CSMD3: variants seen among roughly 807,000 people sequenced by gnomAD.
The protein encoded by CSMD3 is CUB and sushi domain-containing protein 3.
Under a neutral mutation model 435.2 loss-of-function variants are expected in CSMD3, and 177 were observed. The ratio of observed to expected loss-of-function variants is 0.41; its 90% confidence interval spans 0.36 to 0.46. The LOEUF (loss-of-function observed/expected upper bound fraction) is 0.46, where lower values mean the gene tolerates loss of function less well. Among genes scored for constraint, CSMD3 ranks in the 20% least tolerant of loss-of-function variants. CSMD3 has a pLI of 0.34. For missense variants in CSMD3, 4,265 were observed against 4,504.6 expected, an observed-to-expected ratio of 0.95 and a Z score of 1.52; for synonymous variants, 1,656 against 1,520.5, an observed-to-expected ratio of 1.09 and a Z score of -2.07.
At chr8:112,235,392 C>CA (rs968773496) in intron 67 of CSMD3, among the ~76,000 whole-genome samples, 6 of 150,744 alleles carry the variant, frequency 4.0e-5, no homozygotes, top group Admixed American at 1.3e-4. Context: ...TCAAAAAAAA[C>CA]AAAAAACAAA....
chr8:112,337,603 C>A lies in CSMD3; in HGVS notation c.6781G>T (p.Ala2261Ser), dbSNP rs562427558. Residue 2261 changes from alanine (A) to serine (S), a missense_variant, in exon 43 of 71, where the codon GCT becomes TCT. Around this residue, in one of 3 missense-constraint regions of CSMD3, gnomAD observed 3,255 missense variants for 3,380.2 expected, o/e 0.96. Transcript: ENST00000297405. ...FPGYTLIGNS[A>S]LTCLHGVSRN... is the part of the protein sequence containing the mutation. ...CTGACTCCGTGAAGGCATGTGAGAG[C>A]TGAATTTCCAATTAATGTGTATCCT... 1 of 1,613,826 alleles carries A rather than the reference C, an allele frequency of 6.2e-7. No individual in the cohort carries two copies.
chr8:112,770,087 G>C (rs1205429356), intron 13 of CSMD3, among the ~76,000 whole-genome samples: 1 of 151,948 alleles, frequency 6.6e-6, no homozygotes, highest in South Asian at 2.1e-4. Flanking sequence ...GAAATACAAA[G>C]TGGTCTGTCT....
At chr8:113,010,543 GTTA>G (rs1200087612) in intron 6 of CSMD3, among the ~76,000 whole-genome samples, 1 of 151,620 alleles carries the variant, frequency 6.6e-6, no homozygotes, top group African/African-American at 2.4e-5. Context: ...ATTATAACTA[GTTA>G]TTGACAGATT....
intron 4 of CSMD3, among the ~76,000 whole-genome samples, chr8:113,135,571 T>TG (rs2091397435): frequency 6.6e-6 from 1 of 151,836 alleles, no homozygotes; most frequent in East Asian, 1.9e-4. Context: ...TACCTTCCAG[T>TG]GAGAGTATGT....
At chr8:112,825,739 C>A (rs1587404873) in intron 12 of CSMD3, among the ~76,000 whole-genome samples, 2 of 152,042 alleles carry the variant, frequency 1.3e-5, no homozygotes, top group Middle Eastern at 3.2e-3. Flanking sequence ...TCAAGGGGCA[C>A]CTATCTGATG....
intron 4 of CSMD3, among the ~76,000 whole-genome samples, chr8:113,168,519 CAAA>C (rs71281204): frequency 0.062 from 1,031 of 16,658 alleles, 4 homozygotes; most frequent in African/African-American, 0.2. Flanking sequence ...GACTCTGTCT[CAAA>C]AAAAAAAAAA....
chr8:113,215,883 C>G (rs2092898964), intron 3 of CSMD3, among the ~76,000 whole-genome samples: 1 of 151,328 alleles, frequency 6.6e-6, no homozygotes, highest in South Asian at 2.1e-4. Flanking sequence ...TATTTTATAT[C>G]AGTCAAGCTT....
At chr8:113,094,190 T>G (rs1470461563) in intron 5 of CSMD3, among the ~76,000 whole-genome samples, 11 of 152,340 alleles carry the variant, frequency 7.2e-5, no homozygotes, top group African/African-American at 2.2e-4. Context: ...CTCTTTGATA[T>G]TCAATCACTC....
chr8:112,374,464 C>G (rs12155759), intron 38 of CSMD3, among the ~76,000 whole-genome samples: 59,954 of 151,984 alleles, frequency 0.39, 13,318 homozygotes, highest in Middle Eastern at 0.54. Context: ...ATTTTTATGT[C>G]ACCAGTGTAG....
intron 9 of CSMD3, among the ~76,000 whole-genome samples, chr8:112,932,823 C>T (rs527872307): frequency 6.6e-6 from 1 of 151,994 alleles, no homozygotes; most frequent in East Asian, 1.9e-4. Context: ...TTCAAAATAG[C>T]TATAAAAGAA....
At chr8:112,940,169 A>G (rs2083408229) in intron 9 of CSMD3, among the ~76,000 whole-genome samples, 2 of 152,038 alleles carry the variant, frequency 1.3e-5, no homozygotes, top group South Asian at 4.1e-4. Context: ...CTTTTCCTGA[A>G]TATACATTAT....
intron 2 of CSMD3, among the ~76,000 whole-genome samples, chr8:113,300,636 C>T (rs373784069): frequency 6.6e-6 from 1 of 151,994 alleles, no homozygotes; most frequent in Admixed American, 6.6e-5. Context: ...GAGTTAAACA[C>T]TGAAGATGCA....
intron 5 of CSMD3, among the ~76,000 whole-genome samples, chr8:113,094,939 C>T (rs2090118689): frequency 6.6e-6 from 1 of 151,872 alleles, no homozygotes; most frequent in Admixed American, 6.6e-5. Flanking sequence ...GATGTGGTGG[C>T]ACGCCCCTGT....
chr8:112,424,922 C>T (rs534330012), intron 32 of CSMD3, among the ~76,000 whole-genome samples: 65 of 152,286 alleles, frequency 4.3e-4, no homozygotes, highest in African/African-American at 1.5e-3. Context: ...TATCTCTCGA[C>T]CTTGCGGTCT....
intron 44 of CSMD3, among the ~76,000 whole-genome samples, chr8:112,336,154 C>T (rs1824537850): frequency 6.6e-6 from 1 of 152,128 alleles, no homozygotes; most frequent in Admixed American, 6.6e-5. Context: ...AAGTGATGCT[C>T]CCACTGTGGC....
At chr8:113,397,365 T>C (rs1436120037) in intron 1 of CSMD3, among the ~76,000 whole-genome samples, 2 of 152,206 alleles carry the variant, frequency 1.3e-5, no homozygotes, top group Non-Finnish European at 2.9e-5. Flanking sequence ...TTGGTATTTG[T>C]CTAATGTTTT....
chr8:113,335,181 C>T (rs183177900), intron 1 of CSMD3, among the ~76,000 whole-genome samples: 28 of 152,212 alleles, frequency 1.8e-4, no homozygotes, highest in African/African-American at 6.5e-4. Context: ...CATTACCTTC[C>T]ACCATGATTT....
chr8:112,877,674 A>T (rs1411419119), intron 10 of CSMD3, among the ~76,000 whole-genome samples: 1 of 152,196 alleles, frequency 6.6e-6, no homozygotes, highest in Non-Finnish European at 1.5e-5. Context: ...CTATAACTAC[A>T]AGGTGACAGT....
At chr8:112,887,591 CAA>C (rs1471663540) in intron 10 of CSMD3, among the ~76,000 whole-genome samples, 1 of 151,230 alleles carries the variant, frequency 6.6e-6, no homozygotes, top group Non-Finnish European at 1.5e-5. Flanking sequence ...CCTTTAAGAG[CAA>C]AGTTTTACAA....
Sources: gnomAD v4.1 joint callset for allele counts (sites outside exome capture counted in the v4.1 genomes callset) on GRCh38, gnomAD v4.1.1 for gene constraint, gnomAD v4.1.1 regional missense constraint, MANE v1.5 for transcripts, NCBI Gene and HGNC (gene_info 2026-07-23, HGNC 2026-07-21) for gene names.